The following TSPAN5 variants were observed in gnomAD, a reference collection of about 807,000 sequenced individuals.
The protein encoded by TSPAN5 is tetraspanin 5, also known as tetraspanin-5.
A neutral mutation model predicts 37.1 loss-of-function variants in TSPAN5; 10 were observed. That is an observed-to-expected ratio of 0.27 (90% CI 0.17 to 0.46). TSPAN5 has a LOEUF of 0.46. TSPAN5 is among the 20% of genes least tolerant of loss of function. TSPAN5 has a pLI of 1.00. For synonymous variants in TSPAN5, 110 were observed against 118.9 expected (o/e 0.93, Z 0.48); for missense variants, 195 against 326.6 (o/e 0.60, Z 3.11).
At chr4:98,621,056 G>A (rs1470325752) in intron 1 of TSPAN5, among the ~76,000 whole-genome samples, 1 of 152,106 alleles carries the variant, frequency 6.6e-6, no homozygotes, top group Non-Finnish European at 1.5e-5. Flanking sequence ...CAGTATGACT[G>A]TGTCCTTATA....
At chr4:98,511,718 G>A (rs543563940) in intron 1 of TSPAN5, among the ~76,000 whole-genome samples, 5 of 151,584 alleles carry the variant, frequency 3.3e-5, no homozygotes, top group South Asian at 2.1e-4. Flanking sequence ...ACATCTTGAC[G>A]TGATAACATT....
At chr4:98,590,638 A>G (rs538482789) in intron 1 of TSPAN5, among the ~76,000 whole-genome samples, 1 of 151,190 alleles carries the variant, frequency 6.6e-6, no homozygotes, top group South Asian at 2.1e-4. Context: ...TGAATCCGGG[A>G]GGCAGAGGTT....
chr4:98,576,822 C>T (rs111505074), intron 1 of TSPAN5, among the ~76,000 whole-genome samples: 2 of 152,314 alleles, frequency 1.3e-5, no homozygotes, highest in African/African-American at 2.4e-5. Flanking sequence ...TGCAGTGGTG[C>T]GATCTCAGCT....
At chr4:98,499,952 G>A (rs563370137) in intron 2 of TSPAN5, among the ~76,000 whole-genome samples, 6 of 152,054 alleles carry the variant, frequency 3.9e-5, no homozygotes, top group African/African-American at 1.2e-4. Context: ...GAGCCACCGC[G>A]CCCGGCCGGT....
intron 2 of TSPAN5, 60 bp from the exon 3 acceptor site, chr4:98,486,944 G>C (rs1752974085): frequency 1.3e-6 from 2 of 1,578,904 alleles, no homozygotes; most frequent in Non-Finnish European, 1.7e-6. Context: ...TTTCCAACAT[G>C]TAAAGATTAT....
intron 1 of TSPAN5, among the ~76,000 whole-genome samples, chr4:98,550,108 C>T (rs1011138286): frequency 1.3e-5 from 2 of 152,106 alleles, no homozygotes; most frequent in African/African-American, 4.8e-5. Flanking sequence ...CTACAACATA[C>T]ATCCAATTTT....
chr4:98,580,395 A>AC (rs1364324850), intron 1 of TSPAN5, among the ~76,000 whole-genome samples: 6 of 151,966 alleles, frequency 3.9e-5, no homozygotes, highest in Non-Finnish European at 5.9e-5. Flanking sequence ...GACCTTTTTT[A>AC]CTCTTATACA....
At chr4:98,568,798 C>T (rs1441280606) in intron 1 of TSPAN5, among the ~76,000 whole-genome samples, 1 of 152,184 alleles carries the variant, frequency 6.6e-6, no homozygotes, top group Non-Finnish European at 1.5e-5. Flanking sequence ...CAGCTCCAAG[C>T]CCTAAAGAAT....
At chr4:98,496,702 G>C (rs558175217) in intron 2 of TSPAN5, 5 of 152,302 alleles carry the variant, frequency 3.3e-5, no homozygotes, top group African/African-American at 1.2e-4. Context: ...ACTCTGGTGA[G>C]AGCCACTGCC....
intron 1 of TSPAN5, among the ~76,000 whole-genome samples, chr4:98,540,844 T>A (rs1754342418): frequency 6.6e-6 from 1 of 152,212 alleles, no homozygotes; most frequent in African/African-American, 2.4e-5. Flanking sequence ...ATCAATCGCT[T>A]CTTTTGTTGA....
chr4:98,598,208 G>A (rs1330523452), intron 1 of TSPAN5, among the ~76,000 whole-genome samples: 15 of 140,644 alleles, frequency 1.1e-4, no homozygotes, highest in Non-Finnish European at 4.5e-5. Context: ...TTCCAGGTGC[G>A]TCCGTCACCC....
intron 1 of TSPAN5, among the ~76,000 whole-genome samples, chr4:98,551,976 T>C (rs559329325): frequency 6.6e-6 from 1 of 152,304 alleles, no homozygotes; most frequent in Admixed American, 6.5e-5. Flanking sequence ...TTCCAGCTTT[T>C]CTAGTTTGTG....
At chr4:98,522,042 A>T (rs1438589132) in intron 1 of TSPAN5, among the ~76,000 whole-genome samples, 1 of 152,252 alleles carries the variant, frequency 6.6e-6, no homozygotes, top group Non-Finnish European at 1.5e-5. Flanking sequence ...TGTTTCAGGT[A>T]CATTTTAGTA....
At chr4:98,571,024 A>C (rs1371966549) in intron 1 of TSPAN5, among the ~76,000 whole-genome samples, 3 of 151,662 alleles carry the variant, frequency 2.0e-5, no homozygotes, top group Non-Finnish European at 4.4e-5. Context: ...AAAAAAAAAG[A>C]AATCCATGTA....
intron 1 of TSPAN5, among the ~76,000 whole-genome samples, chr4:98,632,248 T>G (rs539874442): frequency 2.0e-5 from 3 of 152,124 alleles, no homozygotes; most frequent in Non-Finnish European, 4.4e-5. Context: ...TCTTACCTCT[T>G]AAAATGTTAA....
At chr4:98,505,343 A>G (rs1753453653) in intron 2 of TSPAN5, among the ~76,000 whole-genome samples, 1 of 152,176 alleles carries the variant, frequency 6.6e-6, no homozygotes, top group Non-Finnish European at 1.5e-5. Context: ...ACCTGGCAAC[A>G]CAACCCACCT....
At chr4:98,558,602 G>A (rs1208046216) in intron 1 of TSPAN5, among the ~76,000 whole-genome samples, 13 of 152,186 alleles carry the variant, frequency 8.5e-5, no homozygotes. Context: ...AACATATGTA[G>A]AGTTCCAAAG....
chr4:98,655,091 C>T (rs1318176806), intron 1 of TSPAN5, among the ~76,000 whole-genome samples: 1 of 152,158 alleles, frequency 6.6e-6, no homozygotes, highest in African/African-American at 2.4e-5. Flanking sequence ...GTGATCCGTC[C>T]ACCTCAGCCT....
At chr4:98,480,002 C>A (rs1752801046) in intron 4 of TSPAN5, among the ~76,000 whole-genome samples, 1 of 152,110 alleles carries the variant, frequency 6.6e-6, no homozygotes, top group South Asian at 2.1e-4. Context: ...ATAATAAATT[C>A]TGGTATATCC....
Sources: allele counts gnomAD v4.1 joint callset (sites outside exome capture counted in the v4.1 genomes callset), GRCh38; gene constraint gnomAD v4.1.1; transcripts MANE v1.5; gene names NCBI Gene and HGNC (gene_info 2026-07-23, HGNC 2026-07-21).